Variants in MCRIP1 observed in about 807,000 individuals in gnomAD.
The protein encoded by MCRIP1 is mapk-regulated corepressor-interacting protein 1.
MCRIP1 carries 10 observed loss-of-function variants against 14.4 expected under a neutral mutation model. The ratio of observed to expected loss-of-function variants is 0.70; its 90% CI spans 0.43 to 1.18. The LOEUF is 1.18. Among genes scored for constraint, MCRIP1 ranks in the 50% most tolerant of loss-of-function variants. The pLI is 0.00. For synonymous variants in MCRIP1, 53 were observed against 55.7 expected, an observed-to-expected ratio of 0.95 and a Z score of 0.21; for missense variants, 119 against 135.4, an observed-to-expected ratio of 0.88 and a Z score of 0.60.
chr17:81,824,086 C>T (rs1598248231), intron 3 of MCRIP1, among the ~76,000 whole-genome samples: 1 of 152,214 alleles, frequency 6.6e-6, no homozygotes, highest in African/African-American at 2.4e-5. Flanking sequence ...AGAACCAGGT[C>T]TCCTCTCTAC....
chr17:81,826,886 G>A (rs905172851), intron 1 of MCRIP1, among the ~76,000 whole-genome samples: 7 of 149,762 alleles, frequency 4.7e-5, no homozygotes, highest in East Asian at 2.0e-4. Context: ...TTGGGAGGCC[G>A]AGGCGGGTGG....
chr17:81,829,558 G>A (rs543358272), intron 1 of MCRIP1, among the ~76,000 whole-genome samples: 2 of 152,328 alleles, frequency 1.3e-5, no homozygotes, highest in Non-Finnish European at 2.9e-5. Flanking sequence ...TTGAAACTGG[G>A]CTGCGCCTGA....
At chr17:81,832,786 C>T (rs2143272068) in intron 1 of MCRIP1, among the ~76,000 whole-genome samples, 1 of 152,316 alleles carries the variant, frequency 6.6e-6, no homozygotes, top group South Asian at 2.1e-4. Flanking sequence ...AGGGCAAGGC[C>T]GAAAAATGGA....
Position 81,822,797 on chromosome 17 carries a change from G to C in MCRIP1, c.*450C>G, listed in dbSNP as rs1323840855. ...CAAGGGTCTGCGGGGAGCCCAGGCT[G>C]GATGGGGTGGGGCTGCCCTTGTCCT... On this transcript the variant is annotated 3_prime_UTR_variant, in exon 5 of 5. Coordinates refer to ENST00000455127, the MANE Select transcript of MCRIP1 (RefSeq NM_207368.5). 2 of 227,542 alleles carry C rather than the reference G, an allele frequency of 8.8e-6. No homozygotes were observed. The highest frequency in any genetic ancestry group is 4.6e-5 in the African/African-American group (2 of 43,834). 14.1% of individuals were successfully genotyped at this position (227,542 alleles called of 1,614,324 possible).
chr17:81,824,880 G>A (rs1052092856), intron 1 of MCRIP1: 38 of 1,232,046 alleles, frequency 3.1e-5, no homozygotes, highest in Non-Finnish European at 3.7e-5. Flanking sequence ...GAGCACTGTG[G>A]CCAGAGCCCC....
At chr17:81,832,126 T>C (rs1379545354) in intron 1 of MCRIP1, among the ~76,000 whole-genome samples, 1 of 152,164 alleles carries the variant, frequency 6.6e-6, no homozygotes, top group Non-Finnish European at 1.5e-5. Flanking sequence ...CTAGTCACCA[T>C]GCTCCTCCGG....
intron 1 of MCRIP1, chr17:81,826,494 G>T: frequency 1.2e-6 from 1 of 801,612 alleles, no homozygotes; most frequent in Non-Finnish European, 2.0e-6. Flanking sequence ...CTGCACTCCA[G>T]CCCAGGCAAC....
chr17:81,825,715 C>G, intron 1 of MCRIP1: 1 of 1,289,390 alleles, frequency 7.8e-7, no homozygotes, highest in Non-Finnish European at 1.0e-6. Context: ...CATCCCAGGC[C>G]AGGAGTGAGG....
At chr17:81,833,145 C>G (rs992656173) in intron 1 of MCRIP1, 93 bp downstream of exon 1, 6 of 146,676 alleles carry the variant, frequency 4.1e-5, no homozygotes, top group African/African-American at 1.2e-4. Context: ...CCCTGCAGGG[C>G]ACCCGCGGCC....
chr17:81,824,356 G>A lies in MCRIP1; in HGVS notation c.58C>T (p.Arg20Cys), dbSNP rs1434040096. The A allele has an allele frequency of 3.9e-6, 6 of 1,531,042 alleles. No individual in the cohort carries two copies. The highest frequency in any genetic ancestry group is 1.2e-5 in the South Asian group (1 of 83,528). 94.8% of individuals were successfully genotyped at this position (1,531,042 alleles called of 1,614,324 possible). ...ATCTCGCTGCTGCTGGGTGGGGAGCGGGGGCTGCTGGTCCTCTTGCCGTTG... is the reference window on the plus strand; with the variant it reads ...ATCTCGCTGCTGCTGGGTGGGGAGCAGGGGCTGCTGGTCCTCTTGCCGTTG... ...VYNGKRTSSP[R>C]SPPSSSEIFT... Residue 20 changes from arginine (R) to cysteine (C), a missense_variant, in exon 3 of 5, where the codon CGC becomes TGC. Physicochemically the swap from Arg to Cys is radical, Grantham distance 180. Coordinates refer to ENST00000455127, the MANE Select transcript of MCRIP1 (RefSeq NM_207368.5).
In MCRIP1 at chr17:81,822,486, G is replaced by A; in HGVS notation, c.*761C>T. 1 of 152,744 alleles carries A rather than the reference G, an allele frequency of 6.5e-6. No individual in the cohort carries two copies. The highest frequency in any genetic ancestry group is 1.5e-5 in the Non-Finnish European group (1 of 68,450). 9.5% of individuals were successfully genotyped at this position (152,744 alleles called of 1,614,324 possible). On this transcript the variant is annotated 3_prime_UTR_variant, in exon 5 of 5. Coordinates refer to ENST00000455127, the MANE Select transcript of MCRIP1 (RefSeq NM_207368.5). ...CACACAGACACTTAGCTTTCAGAGG[G>A]CACAGGAAGGAAAAGGGACCTGGTG...
intron 1 of MCRIP1, chr17:81,826,272 C>G (rs995933501): frequency 6.5e-7 from 1 of 1,532,232 alleles, no homozygotes; most frequent in Non-Finnish European, 8.7e-7. Flanking sequence ...CCTACCTGCA[C>G]ACACCTTAGC....
chr17:81,829,231 C>A lies in MCRIP1; in HGVS notation c.-49+4007G>T, dbSNP rs542717696. ...CAGCTGCCCAGGTAAAGGGGAGTGG[C>A]GGCCTGACCGAGGCCGACCACAGGT... On this transcript the variant is annotated intron_variant, in intron 1 of 4. Transcript: ENST00000455127. 1.7e-3 allele frequency among the ~76,000 whole-genome samples: 237 copies of A among 137,772 alleles called. 2 individuals are homozygous for A. Among genetic ancestry groups the A allele is most frequent in the African/African-American group, 6.1e-3 (232 of 38,216 alleles). The allele number at this position is 137,772 out of a possible 152,430, so 90.4% of individuals were successfully genotyped here.
Position 81,823,680 on chromosome 17 carries a change from GCAGAC to G in MCRIP1, c.128-172_128-168del, listed in dbSNP as rs2038321469. 1 of 632,116 alleles carries G rather than the reference GCAGAC, an allele frequency of 1.6e-6. No homozygotes were observed. The highest frequency in any genetic ancestry group is 2.7e-5 in the East Asian group (1 of 36,616). 39.2% of individuals were successfully genotyped at this position (632,116 alleles called of 1,614,324 possible). Reference sequence around the variant, plus strand: ...CTGCCCACCCCAGCCTCACTCACCTGCAGACCCCGTCCCCGCTCCTCTGGCAGGCC... The same window carrying G: ...CTGCCCACCCCAGCCTCACTCACCTGCCCGTCCCCGCTCCTCTGGCAGGCC... On this transcript the variant is annotated intron_variant, in intron 3 of 4. Transcript: ENST00000455127. The surrounding 1 kb of genome is among the most constrained non-coding windows in gnomAD (Gnocchi z 6.0).
chr17:81,825,209 C>T (rs1220527219), intron 1 of MCRIP1: 92 of 1,068,426 alleles, frequency 8.6e-5, no homozygotes, highest in African/African-American at 1.0e-4. Context: ...GCTGCTGGGC[C>T]TGACCTGGTG....
Position 81,826,480 on chromosome 17 carries a change from G to A in MCRIP1, c.-48-1926C>T, listed in dbSNP as rs570817120. 79 of 989,910 alleles carry A rather than the reference G, an allele frequency of 8.0e-5. No individual in the cohort carries two copies. The African/African-American group carries it at 1.3e-3, about 16-fold the overall frequency. 61.3% of individuals were successfully genotyped at this position (989,910 alleles called of 1,614,324 possible). ...CAAGGCTGCAGGGAGCCAAGATCGT[G>A]GCACTGCACTCCAGCCCAGGCAACA... On this transcript the variant is annotated intron_variant, in intron 1 of 4. Transcript: ENST00000455127.
rs971997211 is a variant in MCRIP1, at chr17:81,822,645, G to C, written c.*602C>G. 1.9e-5 allele frequency: 3 copies of C among 155,124 alleles called. No homozygotes were observed. The highest frequency in any genetic ancestry group is 4.8e-5 in the African/African-American group (2 of 41,462). The allele number at this position is 155,124 out of a possible 1,614,324, so 9.6% of individuals were successfully genotyped here. A position where few individuals can be genotyped will look rare whatever the true frequency, so the allele number is the denominator to read the frequency against. On this transcript the variant is annotated 3_prime_UTR_variant, in exon 5 of 5. Coordinates refer to ENST00000455127, the MANE Select transcript of MCRIP1 (RefSeq NM_207368.5). ...GGCCTGGTTGCTGGGGACCCCCTTGGGGGGCCCGGCAGTATCCTAGGCCCA... is the reference window on the plus strand; with the variant it reads ...GGCCTGGTTGCTGGGGACCCCCTTGCGGGGCCCGGCAGTATCCTAGGCCCA...
intron 1 of MCRIP1, among the ~76,000 whole-genome samples, chr17:81,829,109 G>A (rs2038467964): frequency 6.6e-6 from 1 of 152,208 alleles, no homozygotes. Context: ...CAATGGCACA[G>A]GCCCAGAGAA....
intron 1 of MCRIP1, among the ~76,000 whole-genome samples, chr17:81,829,873 C>G (rs1027167177): frequency 6.6e-6 from 1 of 152,224 alleles, no homozygotes. Flanking sequence ...TTCCTGAAAC[C>G]CTATCCCCAA....
Sources: gnomAD v4.1 joint callset for allele counts (sites outside exome capture counted in the v4.1 genomes callset) on GRCh38, gnomAD v4.1.1 for gene constraint, Gnocchi (gnomAD v3.1) non-coding constraint, MANE v1.5 for transcripts, NCBI Gene and HGNC (gene_info 2026-07-23, HGNC 2026-07-21) for gene names.